The following ZMAT4 variants were observed in gnomAD, a reference collection of about 807,000 sequenced individuals.
ZMAT4 encodes the protein zinc finger matrin-type protein 4.
Under a neutral mutation model 28.7 loss-of-function variants are expected in ZMAT4, and 17 were observed. The observed-to-expected ratio is 0.59, with a 90% CI of 0.41 to 0.89. The LOEUF (loss-of-function observed/expected upper bound fraction) is 0.89. ZMAT4 is among the 40% of genes least tolerant of loss of function. The pLI is 0.00. For synonymous variants in ZMAT4, 117 were observed against 109.2 expected, an observed-to-expected ratio of 1.07 and a Z score of -0.44; for missense variants, 240 against 283.8, an observed-to-expected ratio of 0.85 and a Z score of 1.11.
chr8:40,674,494 T>C (rs1808823157), intron 5 of ZMAT4: 1 of 540,754 alleles, frequency 1.8e-6, no homozygotes, highest in African/African-American at 1.9e-5. Flanking sequence ...AATAAAAATA[T>C]GAAAATAAAC....
At chr8:40,653,815 T>C (rs1201238746) in intron 5 of ZMAT4, among the ~76,000 whole-genome samples, 1 of 152,156 alleles carries the variant, frequency 6.6e-6, no homozygotes, top group Non-Finnish European at 1.5e-5. Context: ...GATGGCTTCA[T>C]TGGTGAATTC....
intron 1 of ZMAT4, among the ~76,000 whole-genome samples, chr8:40,885,518 T>G (rs1041699011): frequency 6.6e-6 from 1 of 152,218 alleles, no homozygotes. Flanking sequence ...ATTTTTTACA[T>G]TTTTATTTAT....
intron 3 of ZMAT4, among the ~76,000 whole-genome samples, chr8:40,734,986 T>C (rs978764219): frequency 1.3e-5 from 2 of 152,208 alleles, no homozygotes; most frequent in African/African-American, 4.8e-5. Context: ...AGACTCTTTG[T>C]TGTGGGAACG....
intron 3 of ZMAT4, among the ~76,000 whole-genome samples, chr8:40,724,904 ACCTTTAGCTCC>A (rs779393128): frequency 1.3e-5 from 2 of 152,162 alleles, no homozygotes; most frequent in Non-Finnish European, 2.9e-5. Flanking sequence ...CTGGGATGAT[ACCTTTAGCTCC>A]CCACACTCAC....
chr8:40,637,273 T>G (rs1806830335), intron 5 of ZMAT4, among the ~76,000 whole-genome samples: 1 of 152,152 alleles, frequency 6.6e-6, no homozygotes, highest in Non-Finnish European at 1.5e-5. Flanking sequence ...CAAATCATTC[T>G]CAGAATGGAA....
At chr8:40,813,698 G>A (rs1444724342) in intron 2 of ZMAT4, among the ~76,000 whole-genome samples, 6 of 152,224 alleles carry the variant, frequency 3.9e-5, no homozygotes, top group Non-Finnish European at 5.9e-5. Flanking sequence ...CAAACCTGAA[G>A]AAGCTAAATT....
rs199742213 is a variant in ZMAT4, at chr8:40,885,687, C to A, written c.-5+11996G>T. Among the ~76,000 whole-genome samples, 17 of 152,306 alleles carry A rather than the reference C, an allele frequency of 1.1e-4. No homozygotes were observed. In the East Asian group the frequency reaches 3.3e-3, roughly 29 times the overall value. On this transcript the variant is annotated intron_variant, in intron 1 of 6. Coordinates refer to ENST00000297737, the MANE Select transcript of ZMAT4 (RefSeq NM_024645.3). ...GTGTTACTCCTCAGCTCAAAAATCC[C>A]AGTGGTTCAAGGAAGCACACCCTGT...
chr8:40,796,252 C>G (rs1309210191), intron 2 of ZMAT4, among the ~76,000 whole-genome samples: 1 of 152,176 alleles, frequency 6.6e-6, no homozygotes, highest in Non-Finnish European at 1.5e-5. Context: ...AGGAAACCGG[C>G]CCCACCGTTG....
intron 5 of ZMAT4, among the ~76,000 whole-genome samples, chr8:40,655,925 AAAC>A (rs1336123472): frequency 6.6e-6 from 1 of 152,144 alleles, no homozygotes; most frequent in Non-Finnish European, 1.5e-5. Flanking sequence ...AAAAAAATGC[AAAC>A]AACAACAACA....
chr8:40,619,386 C>A (rs897150403), intron 5 of ZMAT4, among the ~76,000 whole-genome samples: 3 of 152,028 alleles, frequency 2.0e-5, no homozygotes, highest in Non-Finnish European at 2.9e-5. Context: ...GGCACAGATT[C>A]TTTGGATCTC....
At chr8:40,649,769 TCTCA>T (rs1334127173) in intron 5 of ZMAT4, among the ~76,000 whole-genome samples, 202 of 152,164 alleles carry the variant, frequency 1.3e-3, no homozygotes, top group African/African-American at 4.4e-3. Flanking sequence ...GGATTAATAA[TCTCA>T]CTCAAAACCG....
chr8:40,568,881 C>T (rs1473603325), intron 6 of ZMAT4, among the ~76,000 whole-genome samples: 1 of 152,132 alleles, frequency 6.6e-6, no homozygotes, highest in East Asian at 1.9e-4. Context: ...CTGAATTCTA[C>T]CCATGTTTTG....
intron 2 of ZMAT4, among the ~76,000 whole-genome samples, chr8:40,783,425 T>C (rs138048739): frequency 6.6e-6 from 1 of 152,296 alleles, no homozygotes; most frequent in African/African-American, 2.4e-5. Context: ...CAGACTTTGT[T>C]TAATACTACT....
At chr8:40,881,591 A>G (rs1191211009) in intron 1 of ZMAT4, among the ~76,000 whole-genome samples, 3 of 98,230 alleles carry the variant, frequency 3.1e-5, no homozygotes, top group Non-Finnish European at 2.2e-5. Flanking sequence ...AGAAAGAAAG[A>G]AAGAAAGAAA....
intron 1 of ZMAT4, among the ~76,000 whole-genome samples, chr8:40,897,363 C>A (rs1229052140): frequency 6.6e-6 from 1 of 152,132 alleles, no homozygotes; most frequent in Non-Finnish European, 1.5e-5. Context: ...AAACAGCACA[C>A]CCTGGGATCC....
At chr8:40,748,136 C>T (rs980306202) in intron 3 of ZMAT4, among the ~76,000 whole-genome samples, 1 of 152,134 alleles carries the variant, frequency 6.6e-6, no homozygotes, top group African/African-American at 2.4e-5. Context: ...AAGGAAAATG[C>T]CTTTTTCCAT....
At chr8:40,658,754 A>G (rs1214102643) in intron 5 of ZMAT4, among the ~76,000 whole-genome samples, 2 of 152,014 alleles carry the variant, frequency 1.3e-5, no homozygotes, top group Non-Finnish European at 2.9e-5. Flanking sequence ...TTGGTCTTCA[A>G]GCCAGTAAGA....
intron 2 of ZMAT4, among the ~76,000 whole-genome samples, chr8:40,774,528 C>G (rs1813509040): frequency 6.6e-6 from 1 of 151,994 alleles, no homozygotes; most frequent in Non-Finnish European, 1.5e-5. Flanking sequence ...TCTAAGGAAG[C>G]AATCAGAGAC....
intron 1 of ZMAT4, among the ~76,000 whole-genome samples, chr8:40,836,505 G>A (rs920878148): frequency 6.6e-6 from 1 of 152,142 alleles, no homozygotes; most frequent in African/African-American, 2.4e-5. Flanking sequence ...CAGCCCAAAA[G>A]CACACCTACA....
Sources: gnomAD v4.1 joint callset for allele counts (sites outside exome capture counted in the v4.1 genomes callset) on GRCh38, gnomAD v4.1.1 for gene constraint, MANE v1.5 for transcripts, NCBI Gene and HGNC (gene_info 2026-07-23, HGNC 2026-07-21) for gene names.